Variants in STON2 observed in about 807,000 individuals in gnomAD.
The protein encoded by STON2 is stonin 2.
STON2 carries 29 observed loss-of-function variants against 65.7 expected under a neutral mutation model. That is an observed-to-expected ratio of 0.44 (90% CI 0.33 to 0.60). STON2 has a LOEUF of 0.60. STON2 is among the 20% of genes least tolerant of loss of function. STON2 has a pLI of 0.03. For synonymous variants in STON2, 404 were observed against 414.2 expected, an observed-to-expected ratio of 0.98 and a Z score of 0.30; for missense variants, 1,054 against 1,118.1, an observed-to-expected ratio of 0.94 and a Z score of 0.82.
At chr14:81,346,060 C>T (rs568349292) in intron 4 of STON2, among the ~76,000 whole-genome samples, 13 of 152,338 alleles carry the variant, frequency 8.5e-5, no homozygotes, top group Admixed American at 5.2e-4. Context: ...TCAGAGAAAG[C>T]TGCTCTTTTC....
chr14:81,370,875 G>A, intron 4 of STON2, 113 bp downstream of exon 4: 1 of 955,976 alleles, frequency 1.0e-6, no homozygotes, highest in South Asian at 1.6e-5. Flanking sequence ...AACAACACCT[G>A]AACTCATTCT....
At chr14:81,333,290 G>A in intron 4 of STON2, 2 of 683,974 alleles carry the variant, frequency 2.9e-6, no homozygotes, top group South Asian at 2.9e-5. Flanking sequence ...GGACGTCAAT[G>A]ACCATTTGTT....
At chr14:81,340,132 C>A (rs572629168) in intron 4 of STON2, among the ~76,000 whole-genome samples, 38 of 152,242 alleles carry the variant, frequency 2.5e-4, no homozygotes, top group South Asian at 4.1e-4. Flanking sequence ...CCAGCCTGGG[C>A]GACAGAGCGA....
At chr14:81,349,889 T>C (rs1897959214) in intron 4 of STON2, among the ~76,000 whole-genome samples, 2 of 152,108 alleles carry the variant, frequency 1.3e-5, no homozygotes, top group Non-Finnish European at 2.9e-5. Context: ...TGGAATATTA[T>C]TCAGCCAAAA....
At chr14:81,378,305 T>C (rs747332193) in intron 3 of STON2, among the ~76,000 whole-genome samples, 6 of 152,186 alleles carry the variant, frequency 3.9e-5, no homozygotes, top group Non-Finnish European at 7.3e-5. Flanking sequence ...AACTTCCACC[T>C]CCCAGGTTCA....
chr14:81,313,091 T>C, intron 5 of STON2, among the ~76,000 whole-genome samples: 1 of 152,242 alleles, frequency 6.6e-6, no homozygotes, highest in Admixed American at 6.5e-5. Context: ...TTCTACATAC[T>C]ATCTACTATA....
At chr14:81,414,597 CT>C (rs1901331255) in intron 2 of STON2, among the ~76,000 whole-genome samples, 1 of 151,676 alleles carries the variant, frequency 6.6e-6, no homozygotes, top group Non-Finnish European at 1.5e-5. Context: ...TGAAATGAGG[CT>C]TTTCTCAAGA....
Position 81,263,642 on chromosome 14 carries a change from A to G in STON2, c.*4772T>C. 6.8e-6 allele frequency: 5 copies of G among 738,124 alleles called. No individual in the cohort carries two copies. Among genetic ancestry groups the G allele is most frequent in the Non-Finnish European group, 8.3e-6 (5 of 604,660 alleles). The allele number at this position is 738,124 out of a possible 1,614,324, so 45.7% of individuals were successfully genotyped here. A position where few individuals can be genotyped will look rare whatever the true frequency, so the allele number is the denominator to read the frequency against. On this transcript the variant is annotated 3_prime_UTR_variant, in exon 8 of 8. Transcript: ENST00000614646. Reference sequence around the variant, plus strand: ...CTGTATTTTATGTGTGACCCAAGACAATTCTTCTTCCTATGTGGCCCAGGG... The same window carrying G: ...CTGTATTTTATGTGTGACCCAAGACGATTCTTCTTCCTATGTGGCCCAGGG...
chr14:81,276,470 AG>A, intron 6 of STON2, among the ~76,000 whole-genome samples: 1 of 152,308 alleles, frequency 6.6e-6, no homozygotes, highest in South Asian at 2.1e-4. Context: ...TTAACCTCTC[AG>A]TGTATTGTCC....
intron 5 of STON2, among the ~76,000 whole-genome samples, chr14:81,311,836 T>C (rs1896438173): frequency 6.6e-6 from 1 of 152,250 alleles, no homozygotes; most frequent in Non-Finnish European, 1.5e-5. Context: ...AAGCACTACA[T>C]TCATACATAT....
At chr14:81,430,408 A>T (rs1046224369) in intron 1 of STON2, among the ~76,000 whole-genome samples, 1 of 152,202 alleles carries the variant, frequency 6.6e-6, no homozygotes, top group Admixed American at 6.5e-5. Context: ...TCAGATGAAC[A>T]TAACTCCCAA....
chr14:81,350,256 T>C (rs993100943), intron 4 of STON2, among the ~76,000 whole-genome samples: 14 of 152,138 alleles, frequency 9.2e-5, no homozygotes, highest in African/African-American at 3.4e-4. Context: ...ATGGATACCC[T>C]AAATACCCTA....
intron 5 of STON2, among the ~76,000 whole-genome samples, chr14:81,303,376 T>C (rs925274953): frequency 2.0e-5 from 3 of 152,198 alleles, no homozygotes; most frequent in Admixed American, 2.0e-4. Flanking sequence ...TTGTGCACAC[T>C]TGCAGGTGTG....
intron 2 of STON2, among the ~76,000 whole-genome samples, chr14:81,409,056 G>C (rs1271677768): frequency 2.0e-5 from 3 of 152,008 alleles, no homozygotes; most frequent in Non-Finnish European, 2.9e-5. Context: ...CTATATTTTA[G>C]AGCCATATAT....
chr14:81,408,008 C>T (rs1382038558), intron 2 of STON2, among the ~76,000 whole-genome samples: 1 of 152,062 alleles, frequency 6.6e-6, no homozygotes, highest in African/African-American at 2.4e-5. Flanking sequence ...GCCCCATTAC[C>T]CTGTGAGGAA....
At chr14:81,325,065 C>T (rs866162509) in intron 4 of STON2, among the ~76,000 whole-genome samples, 6 of 152,254 alleles carry the variant, frequency 3.9e-5, no homozygotes, top group Middle Eastern at 6.8e-3. Context: ...CGGATTTGGA[C>T]CCAGGTTTGC....
chr14:81,260,652 T>C lies in STON2; in HGVS notation c.*7762A>G, dbSNP rs559591782. The C allele has an allele frequency of 6.6e-6, 1 of 152,490 alleles. No individual in the cohort carries two copies. Among genetic ancestry groups the C allele is most frequent in the East Asian group, 1.9e-4 (1 of 5,190 alleles). 9.4% of individuals were successfully genotyped at this position (152,490 alleles called of 1,614,324 possible). A position where few individuals can be genotyped will look rare whatever the true frequency, so the allele number is the denominator to read the frequency against. ...CTTCATTAAATTTGGCATAGTGATA[T>C]TTTGTTCAAAAATTTTTTATTAATA... On this transcript the variant is annotated 3_prime_UTR_variant, in exon 8 of 8. Transcript: ENST00000614646.
chr14:81,414,307 T>C (rs1179009050), intron 2 of STON2, among the ~76,000 whole-genome samples: 1 of 152,108 alleles, frequency 6.6e-6, no homozygotes, highest in Admixed American at 6.5e-5. Context: ...AGTTAGGACA[T>C]GATCATCAGA....
chr14:81,314,626 G>A (rs1896553610), intron 5 of STON2, among the ~76,000 whole-genome samples: 2 of 152,182 alleles, frequency 1.3e-5, no homozygotes, highest in African/African-American at 4.8e-5. Context: ...AACCCAGCAA[G>A]ATCCACAATT....
Sources: allele counts gnomAD v4.1 joint callset (sites outside exome capture counted in the v4.1 genomes callset), GRCh38; gene constraint gnomAD v4.1.1; transcripts MANE v1.5; gene names NCBI Gene and HGNC (gene_info 2026-07-23, HGNC 2026-07-21).